Variants in WWOX observed in about 807,000 individuals in gnomAD.
WWOX encodes the protein WW domain-containing oxidoreductase.
A neutral mutation model predicts 46.2 loss-of-function variants in WWOX; 69 were observed. The observed-to-expected ratio is 1.49, with a 90% CI of 1.23 to 1.82. The LOEUF (loss-of-function observed/expected upper bound fraction) is 1.82. Ranked by LOEUF, WWOX falls within the 40% of genes most tolerant of loss-of-function variation. WWOX has a pLI of 0.00. For synonymous variants in WWOX, 359 were observed against 202.6 expected (o/e 1.77, Z -6.56); for missense variants, 919 against 542.6 (o/e 1.69, Z -6.89).
At chr16:78,922,340 ACT>A (rs2045398125) in intron 8 of WWOX, among the ~76,000 whole-genome samples, 1 of 148,214 alleles carries the variant, frequency 6.7e-6, no homozygotes. Flanking sequence ...GCAAACAAAG[ACT>A]CTTTTTTTCA....
At chr16:78,396,423 C>T (rs1208411596) in intron 6 of WWOX, among the ~76,000 whole-genome samples, 1 of 152,084 alleles carries the variant, frequency 6.6e-6, no homozygotes, top group Non-Finnish European at 1.5e-5. Context: ...TTTGATTTCC[C>T]AACAGAATCC....
chr16:78,646,629 T>C (rs2046851805), intron 8 of WWOX, among the ~76,000 whole-genome samples: 1 of 152,174 alleles, frequency 6.6e-6, no homozygotes, highest in Non-Finnish European at 1.5e-5. Flanking sequence ...GGTTTCACCA[T>C]GTTGGCCAAG....
chr16:78,581,367 C>T (rs1193648520), intron 8 of WWOX, among the ~76,000 whole-genome samples: 1 of 152,044 alleles, frequency 6.6e-6, no homozygotes, highest in African/African-American at 2.4e-5. Context: ...TACCCTTTTT[C>T]ATATGAATAG....
intron 5 of WWOX, among the ~76,000 whole-genome samples, chr16:78,316,637 C>T (rs1177508918): frequency 6.6e-6 from 1 of 152,032 alleles, no homozygotes; most frequent in Non-Finnish European, 1.5e-5. Flanking sequence ...GCCACGGTGC[C>T]TGGCCAAGTC....
At chr16:79,210,457 C>T (rs564825286) in intron 8 of WWOX, among the ~76,000 whole-genome samples, 1 of 152,138 alleles carries the variant, frequency 6.6e-6, no homozygotes, top group Non-Finnish European at 1.5e-5. Flanking sequence ...AAATGATAAG[C>T]TTTGGGTCGG....
At chr16:78,987,343 T>C (rs566851121) in intron 8 of WWOX, among the ~76,000 whole-genome samples, 1 of 152,258 alleles carries the variant, frequency 6.6e-6, no homozygotes, top group South Asian at 2.1e-4. Context: ...TTGTATCGGG[T>C]AGGTTGGAAT....
intron 5 of WWOX, among the ~76,000 whole-genome samples, chr16:78,197,774 A>T (rs538079670): frequency 3.3e-5 from 5 of 152,228 alleles, no homozygotes; most frequent in East Asian, 3.9e-4. Flanking sequence ...TGGCAGTGCA[A>T]TCAAGACATA....
chr16:78,142,211 A>T (rs1193130088), intron 4 of WWOX, among the ~76,000 whole-genome samples: 2 of 152,150 alleles, frequency 1.3e-5, no homozygotes, highest in Non-Finnish European at 2.9e-5. Context: ...ATATTTATGG[A>T]ATTGAGTTGA....
chr16:79,082,508 G>C (rs890149697), intron 8 of WWOX, among the ~76,000 whole-genome samples: 2 of 152,192 alleles, frequency 1.3e-5, no homozygotes, highest in Admixed American at 6.5e-5. Context: ...GTTGAAAGTA[G>C]CCCAAAGGAA....
Position 78,169,730 on chromosome 16 carries a change from T to C in WWOX, c.516+5441T>C, listed in dbSNP as rs75429208. Among the ~76,000 whole-genome samples the C allele has an allele frequency of 6.0e-3, 915 of 152,198 alleles. 6 individuals carry two copies. Among genetic ancestry groups the C allele is most frequent in the Non-Finnish European group, 9.7e-3 (657 of 68,014 alleles). On this transcript the variant is annotated intron_variant, in intron 5 of 8. Coordinates refer to ENST00000566780, the MANE Select transcript of WWOX (RefSeq NM_016373.4). ...AGGGTAGAGTGGGAGCAGATGGACC[T>C]GATGTCATCCATCTCCCTACGTTGT... is the stretch of plus-strand genomic sequence containing the variant.
At chr16:78,867,312 T>C (rs2044025130) in intron 8 of WWOX, among the ~76,000 whole-genome samples, 1 of 152,146 alleles carries the variant, frequency 6.6e-6, no homozygotes, top group Admixed American at 6.5e-5. Context: ...TTCATATCCC[T>C]TTCTATTTTA....
chr16:78,146,921 T>G (rs546065672), intron 4 of WWOX, among the ~76,000 whole-genome samples: 17 of 152,196 alleles, frequency 1.1e-4, no homozygotes, highest in Non-Finnish European at 2.4e-4. Context: ...CACGCGGGAC[T>G]GTTGTGGATA....
intron 5 of WWOX, among the ~76,000 whole-genome samples, chr16:78,260,936 CA>C (rs35410839): frequency 0.19 from 12,187 of 63,014 alleles, 387 homozygotes; most frequent in South Asian, 0.29. Flanking sequence ...GACTCCATCT[CA>C]AAAAAAAAAA....
chr16:78,408,902 T>G (rs1359975052), intron 6 of WWOX, among the ~76,000 whole-genome samples: 2 of 148,358 alleles, frequency 1.3e-5, no homozygotes, highest in Non-Finnish European at 2.9e-5. Flanking sequence ...GGTATAAGTG[T>G]GTAAGCAGGG....
chr16:78,838,822 A>T (rs1433502835), intron 8 of WWOX, among the ~76,000 whole-genome samples: 2 of 152,188 alleles, frequency 1.3e-5, no homozygotes, highest in Non-Finnish European at 2.9e-5. Context: ...CAGCCTGGGC[A>T]ACAGAGTGGT....
In WWOX at chr16:79,207,088, A is replaced by C. The variant is rs183919847; in HGVS notation, c.1057-4520A>C. On this transcript the variant is annotated intron_variant, in intron 8 of 8. Transcript: ENST00000566780. Reference sequence around the variant, plus strand: ...TCTCCTGGGGGAGTGTTACTGGGAGACAGGGAAAGACAGGGCGTGTAGACG... The same window carrying C: ...TCTCCTGGGGGAGTGTTACTGGGAGCCAGGGAAAGACAGGGCGTGTAGACG... Among the ~76,000 whole-genome samples the C allele has an allele frequency of 1.9e-3, 283 of 152,146 alleles. 2 individuals carry two copies. The highest frequency in any genetic ancestry group is 6.4e-3 in the African/African-American group (264 of 41,536).
At chr16:78,787,192 T>C (rs1428103648) in intron 8 of WWOX, among the ~76,000 whole-genome samples, 1 of 152,116 alleles carries the variant, frequency 6.6e-6, no homozygotes, top group Non-Finnish European at 1.5e-5. Flanking sequence ...TTCACCACTT[T>C]GACCATTTTA....
intron 8 of WWOX, among the ~76,000 whole-genome samples, chr16:78,583,669 G>T (rs1391062766): frequency 6.6e-6 from 1 of 152,320 alleles, no homozygotes; most frequent in Middle Eastern, 3.4e-3. Context: ...AAGCCATCAG[G>T]CAGCGGGTTG....
chr16:78,101,547 C>T (rs980796708), intron 1 of WWOX, among the ~76,000 whole-genome samples: 3 of 151,996 alleles, frequency 2.0e-5, no homozygotes, highest in Non-Finnish European at 2.9e-5. Context: ...TCTCCAACTC[C>T]TGGCCTCAAG....
Sources: gnomAD v4.1 joint callset for allele counts (sites outside exome capture counted in the v4.1 genomes callset) on GRCh38, gnomAD v4.1.1 for gene constraint, MANE v1.5 for transcripts, NCBI Gene and HGNC (gene_info 2026-07-23, HGNC 2026-07-21) for gene names.